Variants in IKZF2 observed in about 807,000 individuals in gnomAD.
IKZF2 encodes the protein IKAROS family zinc finger 2.
Under a neutral mutation model 49.2 loss-of-function variants are expected in IKZF2, and 15 were observed. That is an observed-to-expected ratio of 0.30 (90% CI 0.20 to 0.47). The LOEUF is 0.47. IKZF2 is among the 20% of genes least tolerant of loss of function. The pLI, the probability that IKZF2 is intolerant of heterozygous loss-of-function variation, is 1.00. For missense variants in IKZF2, 567 were observed against 664.6 expected (o/e 0.85, Z 1.61); for synonymous variants, 227 against 221.4 (o/e 1.03, Z -0.23).
intron 4 of IKZF2, among the ~76,000 whole-genome samples, chr2:213,130,354 TGAC>T (rs1407488786): frequency 7.7e-4 from 117 of 152,254 alleles, no homozygotes; most frequent in African/African-American, 2.8e-3. Context: ...TGTTATAAAC[TGAC>T]AAACACAATT....
At chr2:213,062,732 T>C (rs912950423) in intron 4 of IKZF2, among the ~76,000 whole-genome samples, 1 of 151,986 alleles carries the variant, frequency 6.6e-6, no homozygotes, top group African/African-American at 2.4e-5. Flanking sequence ...ACACTTGAAA[T>C]GGTGTTATAT....
rs1228417357 is a variant in IKZF2, at chr2:213,005,761, C to T, written c.*1599G>A. The T allele has an allele frequency of 2.6e-5, 4 of 152,034 alleles. No individual in the cohort carries two copies. The highest frequency in any genetic ancestry group is 9.7e-5 in the African/African-American group (4 of 41,428). The allele number at this position is 152,034 out of a possible 1,614,324, so 9.4% of individuals were successfully genotyped here. On this transcript the variant is annotated 3_prime_UTR_variant, in exon 9 of 9. Transcript: ENST00000434687. ...CCTAAAATGACTTGAATCAATATCA[C>T]TCGGTTCCTCCCCTCTAATGTGGCT...
intron 4 of IKZF2, among the ~76,000 whole-genome samples, chr2:213,089,531 T>C (rs562959144): frequency 4.4e-4 from 67 of 152,278 alleles, no homozygotes; most frequent in African/African-American, 1.6e-3. Context: ...ACCCTTGCTG[T>C]TCCTCAAGTA....
intron 4 of IKZF2, among the ~76,000 whole-genome samples, chr2:213,135,182 T>G (rs2060612992): frequency 6.6e-6 from 1 of 152,208 alleles, no homozygotes; most frequent in African/African-American, 2.4e-5. Flanking sequence ...AAAGTAAACT[T>G]GTTTGTTACA....
chr2:213,105,683 A>C (rs1353817671), intron 4 of IKZF2, among the ~76,000 whole-genome samples: 1 of 152,172 alleles, frequency 6.6e-6, no homozygotes, highest in Non-Finnish European at 1.5e-5. Context: ...ATCAAAACAC[A>C]AGTGCAAAGA....
intron 8 of IKZF2, among the ~76,000 whole-genome samples, chr2:213,008,793 G>A (rs770593800): frequency 6.6e-6 from 1 of 152,074 alleles, no homozygotes; most frequent in African/African-American, 2.4e-5. Context: ...GATCATAAAA[G>A]TGAGAGTGAT....
Position 213,002,394 on chromosome 2 carries a change from T to A in IKZF2, c.*4966A>T, listed in dbSNP as rs903936470. On this transcript the variant is annotated 3_prime_UTR_variant, in exon 9 of 9. Coordinates refer to ENST00000434687, the MANE Select transcript of IKZF2 (RefSeq NM_001387220.1). ...TAAAACTAAAAAGCTAGAAATAGAATATTACATAAAAACCTTATGGAAATT... is the reference window on the plus strand; with the variant it reads ...TAAAACTAAAAAGCTAGAAATAGAAAATTACATAAAAACCTTATGGAAATT... The A allele has an allele frequency of 1.3e-5, 2 of 151,516 alleles. No individual in the cohort carries two copies. The highest frequency in any genetic ancestry group is 4.8e-5 in the African/African-American group (2 of 41,378). 9.4% of individuals were successfully genotyped at this position (151,516 alleles called of 1,614,324 possible). A position where few individuals can be genotyped will look rare whatever the true frequency, so the allele number is the denominator to read the frequency against.
rs1455679262 is a variant in IKZF2 at position 213,150,548 on chromosome 2, C to G, written c.-119-301G>C. ...GGATGGTCTAGTAGGAAAAGTCACT[C>G]AGGAATGGCACCACGTACTTTCAGG... On this transcript the variant is annotated intron_variant, in intron 1 of 8. Transcript: ENST00000434687. The G allele has an allele frequency of 2.6e-5, 5 of 193,342 alleles. No homozygotes were observed. In the Admixed American group the frequency reaches 2.7e-4, roughly 11 times the overall value. The allele number at this position is 193,342 out of a possible 1,614,324, so 12.0% of individuals were successfully genotyped here.
At chr2:213,053,403 C>T (rs540320810) in intron 5 of IKZF2, among the ~76,000 whole-genome samples, 1 of 151,724 alleles carries the variant, frequency 6.6e-6, no homozygotes, top group Non-Finnish European at 1.5e-5. Context: ...TTTTATGTAC[C>T]TTCATAAACA....
intron 4 of IKZF2, among the ~76,000 whole-genome samples, chr2:213,143,884 G>A (rs890756595): frequency 2.6e-5 from 4 of 151,750 alleles, no homozygotes; most frequent in African/African-American, 7.3e-5. Context: ...TATTGGACAC[G>A]GCAGACACCC....
chr2:213,110,474 C>T (rs965284338), intron 4 of IKZF2, among the ~76,000 whole-genome samples: 33 of 151,386 alleles, frequency 2.2e-4, no homozygotes, highest in African/African-American at 4.1e-4. Context: ...AATATATTTT[C>T]GAAATCTTTC....
chr2:213,026,110 A>G (rs1238230202), intron 6 of IKZF2, among the ~76,000 whole-genome samples: 1 of 152,010 alleles, frequency 6.6e-6, no homozygotes. Context: ...ACCCTATACC[A>G]TCTGGTCCCA....
intron 4 of IKZF2, among the ~76,000 whole-genome samples, chr2:213,110,746 C>G (rs1238145355): frequency 6.6e-6 from 1 of 151,912 alleles, no homozygotes; most frequent in African/African-American, 2.4e-5. Context: ...ATTTATACTC[C>G]CATCAACAAT....
At chr2:213,058,979 C>T (rs1701434771) in intron 4 of IKZF2, among the ~76,000 whole-genome samples, 1 of 151,732 alleles carries the variant, frequency 6.6e-6, no homozygotes, top group South Asian at 2.1e-4. Flanking sequence ...TTTGTTCATC[C>T]AGTTAATCAT....
chr2:213,053,308 T>C (rs1700849158), intron 5 of IKZF2, among the ~76,000 whole-genome samples: 1 of 152,128 alleles, frequency 6.6e-6, no homozygotes. Flanking sequence ...TTAAATACAA[T>C]AGAACAATCT....
At position 213,000,656 on chromosome 2, in the gene IKZF2, T is replaced by G. The variant is rs943950040; in HGVS notation, c.*6704A>C. ...AAAATACCTCTTACTTAAATTTGTA[T>G]GAAAACAGGACTGCTCCAAATATTT... On this transcript the variant is annotated 3_prime_UTR_variant, in exon 9 of 9. Transcript: ENST00000434687. 2.1e-5 allele frequency: 3 copies of G among 145,384 alleles called. No homozygotes were observed. Among genetic ancestry groups the G allele is most frequent in the Admixed American group, 7.3e-5 (1 of 13,728 alleles). The allele number at this position is 145,384 out of a possible 1,614,324, so 9.0% of individuals were successfully genotyped here.
Position 213,006,757 on chromosome 2 carries a change from T to C in IKZF2, c.*603A>G, listed in dbSNP as rs897875049. On this transcript the variant is annotated 3_prime_UTR_variant, in exon 9 of 9. Transcript: ENST00000434687. ...CCTGTAGTTTAAAAGTTTTGCTATATGGTACAGTGTAAAACATACTGAATT... is the reference window on the plus strand; with the variant it reads ...CCTGTAGTTTAAAAGTTTTGCTATACGGTACAGTGTAAAACATACTGAATT... 2.6e-5 allele frequency: 4 copies of C among 152,638 alleles called. No individual in the cohort carries two copies. The highest frequency in any genetic ancestry group is 7.2e-5 in the African/African-American group (3 of 41,428). 9.5% of individuals were successfully genotyped at this position (152,638 alleles called of 1,614,324 possible).
intron 6 of IKZF2, among the ~76,000 whole-genome samples, chr2:213,032,657 G>A (rs1014594564): frequency 1.3e-5 from 2 of 152,114 alleles, no homozygotes; most frequent in Non-Finnish European, 1.5e-5. Flanking sequence ...AGGCTGAGGT[G>A]GGAGGATCAC....
chr2:213,146,571 T>G (rs2061067333), intron 4 of IKZF2, among the ~76,000 whole-genome samples: 1 of 151,982 alleles, frequency 6.6e-6, no homozygotes, highest in South Asian at 2.1e-4. Context: ...TTCAATGGTA[T>G]TCTATATAAA....
Sources: allele counts gnomAD v4.1 joint callset (sites outside exome capture counted in the v4.1 genomes callset), GRCh38; gene constraint gnomAD v4.1.1; transcripts MANE v1.5; gene names NCBI Gene and HGNC (gene_info 2026-07-23, HGNC 2026-07-21).